The following CNTN5 variants were observed in gnomAD, a reference collection of about 807,000 sequenced individuals.
The protein encoded by CNTN5 is contactin 5.
CNTN5 carries 77 observed loss-of-function variants against 129.1 expected under a neutral mutation model. That is an observed-to-expected ratio of 0.60 (90% CI 0.50 to 0.72). CNTN5 has a LOEUF of 0.72. Among genes scored for constraint, CNTN5 ranks in the 30% least tolerant of loss-of-function variants. CNTN5 has a pLI of 0.00. For synonymous variants in CNTN5, 509 were observed against 465.6 expected, an observed-to-expected ratio of 1.09 and a Z score of -1.20; for missense variants, 1,478 against 1,328.8, an observed-to-expected ratio of 1.11 and a Z score of -1.75.
At chr11:99,248,210 C>T (rs1861917259) in intron 1 of CNTN5, among the ~76,000 whole-genome samples, 1 of 152,090 alleles carries the variant, frequency 6.6e-6, no homozygotes, top group East Asian at 1.9e-4. Flanking sequence ...CTCTGATGGC[C>T]AGTGATGATG....
chr11:99,820,441 C>T (rs1164775762), intron 4 of CNTN5, among the ~76,000 whole-genome samples: 1 of 152,300 alleles, frequency 6.6e-6, no homozygotes, highest in African/African-American at 2.4e-5. Context: ...AAGAAAAAAT[C>T]TATATATCCA....
At position 100,103,165 on chromosome 11, in the gene CNTN5, A is replaced by G. The variant is rs1945286915; in HGVS notation, c.1580+28871A>G. Among the ~76,000 whole-genome samples the G allele has an allele frequency of 2.0e-5, 3 of 152,312 alleles. No individual in the cohort carries two copies. The South Asian group carries it at 6.2e-4, about 32-fold the overall frequency. ...ACATTTTAAAAGTGAAATATTTTAA[A>G]TGTTAGTAAATGTTAAAAATTAGTA... On this transcript the variant is annotated intron_variant, in intron 13 of 24. Coordinates refer to ENST00000524871, the MANE Select transcript of CNTN5 (RefSeq NM_014361.4).
chr11:99,161,874 G>A (rs1441864888), intron 1 of CNTN5, among the ~76,000 whole-genome samples: 1 of 152,084 alleles, frequency 6.6e-6, no homozygotes, highest in Admixed American at 6.6e-5. Flanking sequence ...TTTTACCACT[G>A]TTGGGACTGC....
At chr11:99,762,019 T>C (rs1281250719) in intron 3 of CNTN5, among the ~76,000 whole-genome samples, 1 of 117,012 alleles carries the variant, frequency 8.5e-6, no homozygotes, top group African/African-American at 3.0e-5. Flanking sequence ...TGGCCAGTGA[T>C]GATGGGCATT....
intron 1 of CNTN5, among the ~76,000 whole-genome samples, chr11:99,074,736 A>T (rs920275198): frequency 6.6e-6 from 1 of 152,218 alleles, no homozygotes; most frequent in African/African-American, 2.4e-5. Flanking sequence ...AGTAATTTAA[A>T]AAGTGTGATT....
intron 13 of CNTN5, among the ~76,000 whole-genome samples, chr11:100,145,946 C>T (rs1591312417): frequency 6.6e-6 from 1 of 152,098 alleles, no homozygotes; most frequent in East Asian, 1.9e-4. Flanking sequence ...AAATTATTCA[C>T]CAGTATTAGA....
chr11:99,417,701 A>T (rs1157512973), intron 2 of CNTN5, among the ~76,000 whole-genome samples: 1 of 152,136 alleles, frequency 6.6e-6, no homozygotes, highest in East Asian at 1.9e-4. Context: ...GAGACTCTTC[A>T]TTTCCATTCT....
chr11:99,228,606 A>G (rs1860817960), intron 1 of CNTN5, among the ~76,000 whole-genome samples: 1 of 152,082 alleles, frequency 6.6e-6, no homozygotes, highest in African/African-American at 2.4e-5. Context: ...CTAAATGTAT[A>G]AATATCATGT....
intron 8 of CNTN5, among the ~76,000 whole-genome samples, chr11:99,979,352 A>G (rs1938191889): frequency 6.6e-6 from 1 of 152,182 alleles, no homozygotes. Flanking sequence ...AGGAGTTGAC[A>G]TTTGAGTACA....
At chr11:99,560,025 A>C (rs1157730540) in intron 3 of CNTN5, among the ~76,000 whole-genome samples, 1 of 152,158 alleles carries the variant, frequency 6.6e-6, no homozygotes, top group African/African-American at 2.4e-5. Flanking sequence ...CTATAAACAG[A>C]TCAGTGATTG....
At chr11:99,337,043 G>A (rs1290783540) in intron 2 of CNTN5, among the ~76,000 whole-genome samples, 2 of 152,060 alleles carry the variant, frequency 1.3e-5, no homozygotes, top group Non-Finnish European at 2.9e-5. Flanking sequence ...CATGCCTTTT[G>A]AAGCTAGAAG....
At chr11:100,113,401 A>G (rs1163368026) in intron 13 of CNTN5, among the ~76,000 whole-genome samples, 1 of 123,700 alleles carries the variant, frequency 8.1e-6, no homozygotes, top group East Asian at 2.8e-4. Context: ...TTAATGCCCA[A>G]CCAGGGATGC....
At chr11:99,377,156 A>C (rs1295612251) in intron 2 of CNTN5, among the ~76,000 whole-genome samples, 3 of 152,046 alleles carry the variant, frequency 2.0e-5, no homozygotes, top group Non-Finnish European at 2.9e-5. Flanking sequence ...TTGGTCTAGG[A>C]GGTGTGAGGA....
intron 6 of CNTN5, among the ~76,000 whole-genome samples, chr11:99,876,675 A>G (rs1373009785): frequency 6.6e-6 from 1 of 152,202 alleles, no homozygotes; most frequent in Non-Finnish European, 1.5e-5. Flanking sequence ...AAAAATTAGC[A>G]TCATTTTAGA....
intron 6 of CNTN5, among the ~76,000 whole-genome samples, chr11:99,911,816 TTATGAAGTC>T (rs1053362117): frequency 1.3e-4 from 20 of 151,932 alleles, no homozygotes; most frequent in Middle Eastern, 3.2e-3. Flanking sequence ...CGTGTTATCT[TTATGAAGTC>T]TATGAAGTCT....
At chr11:100,258,733 A>T (rs1471514791) in intron 17 of CNTN5, among the ~76,000 whole-genome samples, 1 of 152,232 alleles carries the variant, frequency 6.6e-6, no homozygotes, top group Non-Finnish European at 1.5e-5. Flanking sequence ...TCCTTTACAG[A>T]TAAGCAAATG....
chr11:99,320,127 C>T (rs1392048721), intron 1 of CNTN5, among the ~76,000 whole-genome samples: 3 of 152,130 alleles, frequency 2.0e-5, no homozygotes, highest in African/African-American at 7.2e-5. Context: ...GTAGTCCCAG[C>T]TACCCATGGT....
chr11:99,254,491 G>A (rs1214796573), intron 1 of CNTN5, among the ~76,000 whole-genome samples: 2 of 151,900 alleles, frequency 1.3e-5, no homozygotes, highest in African/African-American at 2.4e-5. Flanking sequence ...TCAGTAAAAT[G>A]TATCTTTACA....
chr11:99,954,434 C>T (rs2136160614), intron 7 of CNTN5, among the ~76,000 whole-genome samples: 1 of 152,260 alleles, frequency 6.6e-6, no homozygotes, highest in Admixed American at 6.5e-5. Flanking sequence ...AATGCTACTA[C>T]TACTAAATGT....
Sources: allele counts gnomAD v4.1 joint callset (sites outside exome capture counted in the v4.1 genomes callset), GRCh38; gene constraint gnomAD v4.1.1; transcripts MANE v1.5; gene names NCBI Gene and HGNC (gene_info 2026-07-23, HGNC 2026-07-21).